ARB2A: variants seen among roughly 807,000 people sequenced by gnomAD.
The protein encoded by ARB2A is ARB2 cotranscriptional regulator A, also known as cotranscriptional regulator ARB2A.
chr5:93,647,383 C>T, the ARB2A span, among the ~76,000 whole-genome samples: 7 of 152,262 alleles, frequency 4.6e-5, no homozygotes, highest in South Asian at 6.2e-4. Context: ...CTCGCCACCA[C>T]ACCTGTCTAA....
At chr5:94,082,834 T>C in the ARB2A span, among the ~76,000 whole-genome samples, 166 of 152,332 alleles carry the variant, frequency 1.1e-3, no homozygotes, top group African/African-American at 3.8e-3. Flanking sequence ...AGGCTTCATA[T>C]TGCTGTGATA....
the ARB2A span, among the ~76,000 whole-genome samples, chr5:94,093,416 C>G: frequency 6.6e-6 from 1 of 152,154 alleles, no homozygotes; most frequent in Non-Finnish European, 1.5e-5. Context: ...GGTGAAGGCT[C>G]TCTTTCTGCC....
At chr5:93,859,005 C>T in the ARB2A span, among the ~76,000 whole-genome samples, 1 of 151,758 alleles carries the variant, frequency 6.6e-6, no homozygotes, top group Admixed American at 6.6e-5. Context: ...ACTGCAGGTT[C>T]TATAAAATCT....
chr5:93,722,728 G>A, the ARB2A span, among the ~76,000 whole-genome samples: 3 of 152,058 alleles, frequency 2.0e-5, no homozygotes, highest in African/African-American at 7.2e-5. Flanking sequence ...TCATGGAAGC[G>A]AGAGGTTATT....
the ARB2A span, among the ~76,000 whole-genome samples, chr5:93,965,389 G>A: frequency 5.9e-5 from 9 of 151,996 alleles, no homozygotes; most frequent in East Asian, 1.4e-3. Context: ...AGCAGTAAAC[G>A]AATTCTCCCC....
the ARB2A span, among the ~76,000 whole-genome samples, chr5:93,926,752 A>G: frequency 1.3e-5 from 2 of 152,004 alleles, no homozygotes. Context: ...TGTGATTTGA[A>G]AGAAGATTTT....
the ARB2A span, among the ~76,000 whole-genome samples, chr5:93,668,213 T>C: frequency 0.92 from 139,596 of 152,226 alleles, 64,472 homozygotes; most frequent in African/African-American, 0.98. Flanking sequence ...AAGCAATGCT[T>C]GTGCCTCAGC....
chr5:93,897,045 G>C, the ARB2A span, among the ~76,000 whole-genome samples: 16,022 of 151,938 alleles, frequency 0.11, 976 homozygotes, highest in Middle Eastern at 0.16. Flanking sequence ...TACATAAAGG[G>C]AAAGTATAGG....
At chr5:93,929,823 T>G in the ARB2A span, among the ~76,000 whole-genome samples, 1 of 152,232 alleles carries the variant, frequency 6.6e-6, no homozygotes, top group Non-Finnish European at 1.5e-5. Flanking sequence ...TTATGTCACT[T>G]GACATACATT....
chr5:93,858,184 T>C, the ARB2A span, among the ~76,000 whole-genome samples: 6 of 152,158 alleles, frequency 3.9e-5, no homozygotes, highest in East Asian at 5.8e-4. Context: ...ATGTGAAAAG[T>C]TGTGTACCAG....
the ARB2A span, among the ~76,000 whole-genome samples, chr5:93,797,060 G>C: frequency 1.3e-5 from 2 of 152,048 alleles, no homozygotes; most frequent in Admixed American, 6.5e-5. Context: ...ACCATAAACA[G>C]TCCACTATAC....
At chr5:93,872,096 G>A in the ARB2A span, among the ~76,000 whole-genome samples, 2 of 151,662 alleles carry the variant, frequency 1.3e-5, no homozygotes, top group Non-Finnish European at 2.9e-5. Flanking sequence ...CTACAGGCGC[G>A]CACCACCATG....
At chr5:93,949,609 G>C in the ARB2A span, among the ~76,000 whole-genome samples, 2 of 151,716 alleles carry the variant, frequency 1.3e-5, no homozygotes, top group African/African-American at 4.8e-5. Flanking sequence ...AAGGTAAACG[G>C]GGTGTCCATC....
chr5:93,958,393 T>C, the ARB2A span, among the ~76,000 whole-genome samples: 1 of 152,040 alleles, frequency 6.6e-6, no homozygotes, highest in South Asian at 2.1e-4. Flanking sequence ...AGGCAAAGGT[T>C]TACAAAAGCA....
At chr5:93,789,780 C>T in the ARB2A span, among the ~76,000 whole-genome samples, 2 of 152,268 alleles carry the variant, frequency 1.3e-5, no homozygotes, top group Admixed American at 1.3e-4. Flanking sequence ...TTCTTTTGGA[C>T]AAGTCTATCC....
the ARB2A span, among the ~76,000 whole-genome samples, chr5:93,807,818 G>A: frequency 2.0e-5 from 3 of 151,640 alleles, no homozygotes; most frequent in African/African-American, 7.3e-5. Context: ...TCCAAATTAG[G>A]GGGAAAAAAA....
chr5:93,827,807 C>G, the ARB2A span, among the ~76,000 whole-genome samples: 1 of 151,764 alleles, frequency 6.6e-6, no homozygotes, highest in African/African-American at 2.4e-5. Context: ...TTTCAGCTTT[C>G]TACATATGGC....
chr5:93,621,234 C>T, the ARB2A span: 274 of 952,018 alleles, frequency 2.9e-4, no homozygotes, highest in Non-Finnish European at 3.6e-4. Context: ...CCCGGTCCCG[C>T]CCCTCCCCGC....
chr5:94,087,189 A>C, the ARB2A span, among the ~76,000 whole-genome samples: 1 of 152,198 alleles, frequency 6.6e-6, no homozygotes, highest in African/African-American at 2.4e-5. Context: ...GATATAAAGA[A>C]AGAAAATACT....
Sources: allele counts gnomAD v4.1 joint callset (sites outside exome capture counted in the v4.1 genomes callset), GRCh38; gene constraint gnomAD v4.1.1; transcripts MANE v1.5; gene names NCBI Gene and HGNC (gene_info 2026-07-23, HGNC 2026-07-21).